The following PLCB1 variants were observed in gnomAD, a reference collection of about 807,000 sequenced individuals.
The protein encoded by PLCB1 is phospholipase C beta 1.
In PLCB1, 46 loss-of-function variants were observed where a neutral mutation model predicts 161.8. The ratio of observed to expected loss-of-function variants is 0.28; its 90% CI spans 0.22 to 0.36. The LOEUF (loss-of-function observed/expected upper bound fraction) is 0.36. Among genes scored for constraint, PLCB1 ranks in the 10% least tolerant of loss-of-function variants. The pLI is 1.00. For missense variants in PLCB1, 1,016 were observed against 1,472.5 expected (o/e 0.69, Z 5.07); for synonymous variants, 517 against 503.7 (o/e 1.03, Z -0.35).
intron 3 of PLCB1, among the ~76,000 whole-genome samples, chr20:8,577,354 C>T (rs563353926): frequency 2.0e-5 from 3 of 148,678 alleles, no homozygotes; most frequent in South Asian, 2.1e-4. Context: ...AGGAGAATGG[C>T]GTGAACCCGG....
intron 31 of PLCB1, among the ~76,000 whole-genome samples, chr20:8,869,193 AT>A (rs35310371): frequency 1.4e-4 from 21 of 151,476 alleles, no homozygotes; most frequent in Non-Finnish European, 1.9e-4. Context: ...TATCTTGATT[AT>A]TTTTTTTTAT....
chr20:8,348,105 T>C (rs1377647295), intron 2 of PLCB1, among the ~76,000 whole-genome samples: 1 of 152,170 alleles, frequency 6.6e-6, no homozygotes, highest in Non-Finnish European at 1.5e-5. Flanking sequence ...CAAGTTTCTG[T>C]TGGGGAAGAG....
At chr20:8,681,720 T>C (rs1418069573) in intron 9 of PLCB1, among the ~76,000 whole-genome samples, 3 of 152,218 alleles carry the variant, frequency 2.0e-5, no homozygotes, top group East Asian at 3.8e-4. Context: ...GGAATTGTTA[T>C]AGTTAGAGAT....
At chr20:8,601,362 C>CT (rs1364786745) in intron 3 of PLCB1, among the ~76,000 whole-genome samples, 1 of 152,144 alleles carries the variant, frequency 6.6e-6, no homozygotes, top group African/African-American at 2.4e-5. Context: ...TCTTGATCCT[C>CT]TTTCTCCTCC....
intron 3 of PLCB1, among the ~76,000 whole-genome samples, chr20:8,580,952 A>G (rs914845694): frequency 1.3e-5 from 2 of 152,236 alleles, no homozygotes; most frequent in East Asian, 3.9e-4. Flanking sequence ...CTTTACAACC[A>G]GGAACTGGGG....
At chr20:8,658,084 C>G (rs1028674835) in intron 8 of PLCB1, among the ~76,000 whole-genome samples, 2 of 152,126 alleles carry the variant, frequency 1.3e-5, no homozygotes, top group African/African-American at 4.8e-5. Flanking sequence ...ATTATACTCT[C>G]TTGTTGAAGC....
intron 2 of PLCB1, among the ~76,000 whole-genome samples, chr20:8,260,307 C>T (rs868155128): frequency 6.6e-6 from 1 of 150,842 alleles, no homozygotes; most frequent in South Asian, 2.1e-4. Flanking sequence ...TGGTCTCAAA[C>T]TCCTGGGCTC....
At chr20:8,795,896 A>AAAAG (rs1325863561) in intron 31 of PLCB1, among the ~76,000 whole-genome samples, 1 of 150,162 alleles carries the variant, frequency 6.7e-6, no homozygotes, top group African/African-American at 2.5e-5. Context: ...AAAAAAAAAG[A>AAAAG]AAAGAAAACA....
intron 2 of PLCB1, among the ~76,000 whole-genome samples, chr20:8,302,033 G>A (rs984441193): frequency 1.3e-5 from 2 of 152,206 alleles, no homozygotes; most frequent in Non-Finnish European, 2.9e-5. Context: ...ACTGGGAAGA[G>A]TAAAAGTGTC....
chr20:8,543,196 A>T (rs113199565), intron 3 of PLCB1, among the ~76,000 whole-genome samples: 3 of 150,288 alleles, frequency 2.0e-5, no homozygotes, highest in Admixed American at 6.6e-5. Context: ...AGAAATAGAT[A>T]AAAAAATAAG....
At chr20:8,844,984 G>T (rs1986639042) in intron 31 of PLCB1, among the ~76,000 whole-genome samples, 1 of 151,882 alleles carries the variant, frequency 6.6e-6, no homozygotes, top group Non-Finnish European at 1.5e-5. Flanking sequence ...TGAGGTGGTG[G>T]GCGCCTGTAG....
At chr20:8,464,396 A>C (rs1258979875) in intron 3 of PLCB1, among the ~76,000 whole-genome samples, 1 of 152,106 alleles carries the variant, frequency 6.6e-6, no homozygotes, top group African/African-American at 2.4e-5. Flanking sequence ...TTTTCTCAAT[A>C]GACTTTTCCA....
chr20:8,258,690 A>G (rs1981543707), intron 2 of PLCB1, among the ~76,000 whole-genome samples: 1 of 152,178 alleles, frequency 6.6e-6, no homozygotes, highest in East Asian at 1.9e-4. Flanking sequence ...AAAATTGGCG[A>G]TAATTTCACT....
intron 2 of PLCB1, among the ~76,000 whole-genome samples, chr20:8,200,048 T>TA (rs959265823): frequency 6.6e-6 from 1 of 152,070 alleles, no homozygotes; most frequent in South Asian, 2.1e-4. Context: ...TATAATTGGT[T>TA]AAAAAAATAT....
intron 3 of PLCB1, among the ~76,000 whole-genome samples, chr20:8,555,166 C>T (rs760802470): frequency 2.6e-5 from 4 of 151,878 alleles, no homozygotes; most frequent in Non-Finnish European, 4.4e-5. Context: ...TCAGTGTTTT[C>T]GTGGAGAAAT....
At chr20:8,604,015 G>A (rs1260812143) in intron 3 of PLCB1, among the ~76,000 whole-genome samples, 1 of 152,166 alleles carries the variant, frequency 6.6e-6, no homozygotes, top group African/African-American at 2.4e-5. Context: ...CACTTTGGAA[G>A]GCTGAGGTAG....
chr20:8,735,485 A>G (rs1980533218), intron 19 of PLCB1, among the ~76,000 whole-genome samples: 1 of 152,220 alleles, frequency 6.6e-6, no homozygotes, highest in Non-Finnish European at 1.5e-5. Flanking sequence ...GAGCCAAGAT[A>G]CAGATCATAA....
At chr20:8,186,898 A>AGG (rs1194426139) in intron 2 of PLCB1, among the ~76,000 whole-genome samples, 1 of 152,096 alleles carries the variant, frequency 6.6e-6, no homozygotes, top group Non-Finnish European at 1.5e-5. Flanking sequence ...GGAGTCCCAT[A>AGG]TCTCCTAGGA....
chr20:8,509,546 A>AAG (rs1234684407), intron 3 of PLCB1, among the ~76,000 whole-genome samples: 1 of 152,208 alleles, frequency 6.6e-6, no homozygotes, highest in Admixed American at 6.5e-5. Flanking sequence ...AGAGGAGGTA[A>AAG]AGAGAGAGTG....
Sources: gnomAD v4.1 joint callset for allele counts (sites outside exome capture counted in the v4.1 genomes callset) on GRCh38, gnomAD v4.1.1 for gene constraint, MANE v1.5 for transcripts, NCBI Gene and HGNC (gene_info 2026-07-23, HGNC 2026-07-21) for gene names.